GPR135: variants seen among roughly 807,000 people sequenced by gnomAD.
GPR135 encodes the protein G-protein coupled receptor 135.
In GPR135, 17 loss-of-function variants were observed where a neutral mutation model predicts 15.0. The observed-to-expected ratio is 1.13, with a 90% CI of 0.78 to 1.70. The LOEUF is 1.70. GPR135 is among the 40% of genes most tolerant of loss of function. The probability of loss-of-function intolerance (pLI) is 0.00; values close to 1 mark genes in which losing one functional copy is unlikely to be tolerated. For missense variants in GPR135, 776 were observed against 727.0 expected, an observed-to-expected ratio of 1.07 and a Z score of -0.78; for synonymous variants, 368 against 349.4, an observed-to-expected ratio of 1.05 and a Z score of -0.59.
At chr14:59,455,040 C>T (rs1308248305) in intron 6 of GPR135, among the ~76,000 whole-genome samples, 4 of 151,448 alleles carry the variant, frequency 2.6e-5, no homozygotes, top group Non-Finnish European at 4.4e-5. Context: ...GCGGAGATTG[C>T]GGTGAGCCAA....
Position 59,464,162 on chromosome 14 carries a change from G to A in GPR135, c.1065C>T (p.Ala355=). ...CCTGCATGGTCTGGGCCTGCCGGGC[G>A]GCGGCCAGCAGCACCAGGAAGCAGT... The part of the protein sequence containing the change: ...GPYCFLVLLA[A]ARQAQTMQAP... The change falls in exon 1 of 1, where the codon GCC becomes GCT. Residue 355 remains alanine, a synonymous_variant. Transcript: ENST00000395116. The A allele has an allele frequency of 1.9e-6, 3 of 1,608,920 alleles. No individual in the cohort carries two copies. The highest frequency in any genetic ancestry group is 1.7e-6 in the Non-Finnish European group (2 of 1,179,752).
chr14:59,456,838 A>G (rs1888670983), downstream of GPR135, among the ~76,000 whole-genome samples: 1 of 152,220 alleles, frequency 6.6e-6, no homozygotes, highest in Admixed American at 6.5e-5. Flanking sequence ...CTTTGAATAT[A>G]TCATAGGGAA....
intron 6 of GPR135, among the ~76,000 whole-genome samples, chr14:59,453,835 T>C (rs1443789864): frequency 2.0e-5 from 3 of 152,196 alleles, no homozygotes; most frequent in Non-Finnish European, 4.4e-5. Context: ...ATTCATATCG[T>C]GTACATATTA....
At position 59,465,049 on chromosome 14, in the gene GPR135, C is replaced by G; in HGVS notation, c.178G>C (p.Gly60Arg). The G allele has an allele frequency of 7.4e-7, 1 of 1,352,880 alleles. No individual in the cohort carries two copies. Among genetic ancestry groups the G allele is most frequent in the East Asian group, 3.1e-5 (1 of 31,978 alleles). 83.8% of individuals were successfully genotyped at this position (1,352,880 alleles called of 1,614,324 possible). A position where few individuals can be genotyped will look rare whatever the true frequency, so the allele number is the denominator to read the frequency against. ...AALGNLSDAS[G>R]GGTAAAPGGG... ...CCGGGAGCGGCAGCTGTGCCGCCTCCGCTTGCGTCGCTCAGGTTCCCCAGC... is the reference window on the plus strand; with the variant it reads ...CCGGGAGCGGCAGCTGTGCCGCCTCGGCTTGCGTCGCTCAGGTTCCCCAGC... The change falls in exon 1 of 1, where the codon GGA (glycine) becomes CGA (arginine). Residue 60 changes from glycine (G) to arginine (R), a missense_variant. By Grantham distance (125) the Gly-to-Arg change is moderately radical. Coordinates refer to ENST00000395116, the MANE Select transcript of GPR135 (RefSeq NM_022571.6).
rs1888906150 is a variant in GPR135 at position 59,462,563 on chromosome 14, G to A, written c.*1179C>T. 6.6e-6 allele frequency: 1 copy of A among 152,120 alleles called. No homozygotes were observed. Among genetic ancestry groups the A allele is most frequent in the South Asian group, 2.1e-4 (1 of 4,830 alleles). 9.4% of individuals were successfully genotyped at this position (152,120 alleles called of 1,614,324 possible). ...AATACATTATCTTCGACAAGTCATA[G>A]CTATAAAGCAACCATCAGCTATTTT... On this transcript the variant is annotated 3_prime_UTR_variant, in exon 1 of 1. Coordinates refer to ENST00000395116, the MANE Select transcript of GPR135 (RefSeq NM_022571.6).
At position 59,462,552 on chromosome 14, in the gene GPR135, G is replaced by A. The variant is rs1045287365; in HGVS notation, c.*1190C>T. On this transcript the variant is annotated 3_prime_UTR_variant, in exon 1 of 1. Transcript: ENST00000395116. ...TCCCTTTAATAAATACATTATCTTC[G>A]ACAAGTCATAGCTATAAAGCAACCA... The A allele has an allele frequency of 1.3e-5, 2 of 151,798 alleles. No individual in the cohort carries two copies. The highest frequency in any genetic ancestry group is 2.9e-5 in the Non-Finnish European group (2 of 67,960). The allele number at this position is 151,798 out of a possible 1,614,324, so 9.4% of individuals were successfully genotyped here.
At chr14:59,455,161 C>A (rs1888612366) in intron 6 of GPR135, among the ~76,000 whole-genome samples, 1 of 151,812 alleles carries the variant, frequency 6.6e-6, no homozygotes, top group Admixed American at 6.6e-5. Flanking sequence ...GTCCTTGTAT[C>A]CTGTGTATCC....
At position 59,464,285 on chromosome 14, in the gene GPR135, C is replaced by T. The variant is rs777271788; in HGVS notation, c.942G>A (p.Val314=). 1 of 1,611,966 alleles carries T rather than the reference C, an allele frequency of 6.2e-7. No individual in the cohort carries two copies. The highest frequency in any genetic ancestry group is 2.2e-5 in the East Asian group (1 of 44,850). Residue 314 remains valine (V), a synonymous_variant, in exon 1 of 1, where the codon GTG becomes GTA. Transcript: ENST00000395116. Reference sequence around the variant, plus strand: ...AGCGCAGCACGCGCGCGTAGGTGTTCACCGGCCGCACGCGCACGTCCGACA... The same window carrying T: ...AGCGCAGCACGCGCGCGTAGGTGTTTACCGGCCGCACGCGCACGTCCGACA... ...VRLSDVRVRP[V]NTYARVLRFF... is the part of the protein sequence containing the mutation.
rs769110451 is a variant in GPR135 at position 59,464,230 on chromosome 14, C to A, written c.997G>T (p.Val333Phe). The A allele has an allele frequency of 1.2e-6, 2 of 1,611,542 alleles. No homozygotes were observed. Among genetic ancestry groups the A allele is most frequent in the Non-Finnish European group, 1.7e-6 (2 of 1,179,938 alleles). The change falls in exon 1 of 1, where the codon GTC (valine) becomes TTC (phenylalanine). Residue 333 changes from valine (V) to phenylalanine (F), a missense_variant. Transcript: ENST00000395116. ...FFSEVRTATT[V>F]LIMIVFVICC... ...ATGACGAAGACGATCATGATGAGGA[C>A]GGTGGTGGCCGTGCGCACCTCGCTG... is the stretch of plus-strand genomic sequence containing the variant.
In GPR135 at chr14:59,465,216, G is replaced by A. The variant is rs1163889558; in HGVS notation, c.11C>T (p.Pro4Leu). The A allele has an allele frequency of 4.0e-6, 5 of 1,245,160 alleles. No homozygotes were observed. The highest frequency in any genetic ancestry group is 4.2e-5 in the Admixed American group (1 of 23,598). 77.1% of individuals were successfully genotyped at this position (1,245,160 alleles called of 1,614,324 possible). A position where few individuals can be genotyped will look rare whatever the true frequency, so the allele number is the denominator to read the frequency against. Residue 4 changes from proline to leucine, a missense_variant, in exon 1 of 1, where the codon CCG (proline) becomes CTG (leucine). Transcript: ENST00000395116. Reference sequence around the variant, plus strand: ...GCTCGCTGGTGGGCGGGGCGGCTGCGGCTCCTCCATGGGGCCCAGTGGCGG... The same window carrying A: ...GCTCGCTGGTGGGCGGGGCGGCTGCAGCTCCTCCATGGGGCCCAGTGGCGG... MEE[P>L]QPPRPPASMA...
rs1326590363 is a variant in GPR135 at position 59,464,657 on chromosome 14, G to GC, written c.569_570insG (p.Phe190LeufsTer220). Reference sequence around the variant, plus strand: ...TGGACACGATGCCGAAGCACGAGCTGAAGAAGCGGCTGGCGGCGCAGAAGC... The same window carrying GC: ...TGGACACGATGCCGAAGCACGAGCTGCAAGAAGCGGCTGGCGGCGCAGAAGC... On this transcript the variant is annotated frameshift_variant, in exon 1 of 1. Transcript: ENST00000395116. LOFTEE classifies it high-confidence loss of function. 3 of 1,595,474 alleles carry GC rather than the reference G, an allele frequency of 1.9e-6. No individual in the cohort carries two copies. The African/African-American group carries it at 4.0e-5, about 21-fold the overall frequency.
In GPR135 at chr14:59,462,406, T is replaced by C. The variant is rs1466476678; in HGVS notation, c.*1336A>G. Reference sequence around the variant, plus strand: ...TGTAAAACCATCTTTTCTGCTAAGATAGAAATTTAAAAAGCATCTTTGATT... The same window carrying C: ...TGTAAAACCATCTTTTCTGCTAAGACAGAAATTTAAAAAGCATCTTTGATT... On this transcript the variant is annotated 3_prime_UTR_variant, in exon 1 of 1. Transcript: ENST00000395116. The C allele has an allele frequency of 1.3e-5, 2 of 152,248 alleles. No homozygotes were observed. The highest frequency in any genetic ancestry group is 2.4e-5 in the African/African-American group (1 of 41,476). 9.4% of individuals were successfully genotyped at this position (152,248 alleles called of 1,614,324 possible). A position where few individuals can be genotyped will look rare whatever the true frequency, so the allele number is the denominator to read the frequency against.
chr14:59,458,932 A>G (rs1350471837), downstream of GPR135: 1 of 152,136 alleles, frequency 6.6e-6, no homozygotes, highest in Non-Finnish European at 1.5e-5. Context: ...GGAAAATAAG[A>G]TAGTCCTGGG....
In GPR135 at chr14:59,463,511, A is replaced by G. The variant is rs1200039217; in HGVS notation, c.*231T>C. 1 of 535,110 alleles carries G rather than the reference A, an allele frequency of 1.9e-6. No individual in the cohort carries two copies. Among genetic ancestry groups the G allele is most frequent in the Non-Finnish European group, 3.3e-6 (1 of 306,840 alleles). 33.1% of individuals were successfully genotyped at this position (535,110 alleles called of 1,614,324 possible). On this transcript the variant is annotated 3_prime_UTR_variant, in exon 1 of 1. Transcript: ENST00000395116. ...TCATTTTTGGCACTTACAGTTCACA[A>G]TGCTTGGTTATGTGGTTTAAGATTG...
downstream of GPR135, among the ~76,000 whole-genome samples, chr14:59,456,084 A>G (rs80036353): frequency 2.5e-4 from 38 of 152,284 alleles, no homozygotes; most frequent in East Asian, 7.1e-3. Context: ...GAGACCTGGA[A>G]GTGCAAGTCA....
At chr14:59,458,687 G>A (rs756850771), downstream of GPR135, among the ~76,000 whole-genome samples, 7 of 152,062 alleles carry the variant, frequency 4.6e-5, no homozygotes, top group Non-Finnish European at 8.8e-5. Context: ...ATAACATCTG[G>A]TCTTCTCAGC....
intron 6 of GPR135, among the ~76,000 whole-genome samples, chr14:59,453,168 T>G (rs1422488909): frequency 6.6e-6 from 1 of 152,172 alleles, no homozygotes; most frequent in Non-Finnish European, 1.5e-5. Context: ...GTTATGACAT[T>G]TGTCAAAACC....
rs1318189788 is a variant in GPR135 at position 59,464,981 on chromosome 14, C to T, written c.246G>A (p.Gly82=). Reference sequence around the variant, plus strand: ...GGCCTAGCGGCCGCCTCACCGCCGCCCCCGCCTCCCGCGCTGCCCCGGACC... The same window carrying T: ...GGCCTAGCGGCCGCCTCACCGCCGCTCCCGCCTCCCGCGCTGCCCCGGACC... ...LGGSGAAREA[G]AAVRRPLGPE... Residue 82 remains glycine, a synonymous_variant, in exon 1 of 1, where the codon GGG becomes GGA. Transcript: ENST00000395116. 3.4e-6 allele frequency: 5 copies of T among 1,457,628 alleles called. No homozygotes were observed. Among genetic ancestry groups the T allele is most frequent in the Non-Finnish European group, 4.5e-6 (5 of 1,110,450 alleles). 90.3% of individuals were successfully genotyped at this position (1,457,628 alleles called of 1,614,324 possible). A position where few individuals can be genotyped will look rare whatever the true frequency, so the allele number is the denominator to read the frequency against.
chr14:59,458,576 C>A (rs1222545899), downstream of GPR135, among the ~76,000 whole-genome samples: 7 of 151,956 alleles, frequency 4.6e-5, no homozygotes, highest in Admixed American at 3.9e-4. Flanking sequence ...TACTCCTATG[C>A]GAACTCTCTG....
Sources: gnomAD v4.1 joint callset for allele counts (sites outside exome capture counted in the v4.1 genomes callset) on GRCh38, gnomAD v4.1.1 for gene constraint, MANE v1.5 for transcripts, NCBI Gene and HGNC (gene_info 2026-07-23, HGNC 2026-07-21) for gene names.